Variants in PER3 observed in about 807,000 individuals in gnomAD.
PER3 encodes period circadian regulator 3.
Under a neutral mutation model 127.2 loss-of-function variants are expected in PER3, and 107 were observed. The ratio of observed to expected loss-of-function variants is 0.84; its 90% confidence interval spans 0.72 to 0.99. The LOEUF is 0.99. Among genes scored for constraint, PER3 ranks in the 50% least tolerant of loss-of-function variants. The probability of loss-of-function intolerance (pLI) is 0.00; values close to 1 mark genes in which losing one functional copy is unlikely to be tolerated. For synonymous variants in PER3, 618 were observed against 585.8 expected (o/e 1.05, Z -0.79); for missense variants, 1,560 against 1,525.8 (o/e 1.02, Z -0.37).
At chr1:7,806,795 T>TAA (rs71567316) in intron 10 of PER3, among the ~76,000 whole-genome samples, 22 of 91,904 alleles carry the variant, frequency 2.4e-4, no homozygotes, top group African/African-American at 8.5e-4. Context: ...CCCTGTCTCT[T>TAA]AAAAAAAAAA....
intron 7 of PER3, among the ~76,000 whole-genome samples, chr1:7,800,199 A>AAT (rs996038847): frequency 8.8e-5 from 13 of 147,464 alleles, no homozygotes; most frequent in Admixed American, 8.3e-4. Flanking sequence ...ACCATTCCCT[A>AAT]ATATATCAAT....
At chr1:7,822,452 C>CATGTT (rs2097281626) in intron 16 of PER3, among the ~76,000 whole-genome samples, 1 of 151,874 alleles carries the variant, frequency 6.6e-6, no homozygotes, top group African/African-American at 2.4e-5. Flanking sequence ...ATGATATCAC[C>CATGTT]ATGTTGGCCA....
At chr1:7,841,389 T>G (rs2097387472) in intron 21 of PER3, among the ~76,000 whole-genome samples, 2 of 152,126 alleles carry the variant, frequency 1.3e-5, no homozygotes, top group African/African-American at 4.8e-5. Flanking sequence ...GATTCTTGTT[T>G]TATGATTGTT....
chr1:7,827,211 C>T lies in PER3; in HGVS notation c.2282C>T (p.Ser761Leu), dbSNP rs139934930. Residue 761 changes from serine to leucine, a missense_variant, in exon 18 of 22, where the codon TCG becomes TTG. Transcript: ENST00000377532. ...CCGGAGCCGCCAGACAGCAGCAGCT[C>T]GAACACCGGCTCTGGTCCCCGCAGG... is the stretch of plus-strand genomic sequence containing the variant. ...KLPEPPDSSS[S>L]NTGSGPRRGA... 27 of 1,613,770 alleles carry T rather than the reference C, an allele frequency of 1.7e-5. No individual in the cohort carries two copies. In the African/African-American group the frequency reaches 2.4e-4, roughly 14 times the overall value.
At chr1:7,821,863 C>G (rs1480204341) in intron 16 of PER3, among the ~76,000 whole-genome samples, 2 of 152,232 alleles carry the variant, frequency 1.3e-5, no homozygotes, top group East Asian at 3.8e-4. Flanking sequence ...AGCTCATATT[C>G]ATTAGCTCAG....
chr1:7,836,245 T>A (rs1191231933), intron 20 of PER3, among the ~76,000 whole-genome samples: 1 of 152,150 alleles, frequency 6.6e-6, no homozygotes, highest in East Asian at 1.9e-4. Flanking sequence ...CGTGGTGCCA[T>A]CTCGGCTCAC....
At chr1:7,828,613 T>TC (rs1232911630) in intron 18 of PER3, among the ~76,000 whole-genome samples, 1 of 152,160 alleles carries the variant, frequency 6.6e-6, no homozygotes, top group Non-Finnish European at 1.5e-5. Flanking sequence ...TTGCTGAAAA[T>TC]CTAAGGGAAG....
chr1:7,825,657 C>T (rs2097298088), intron 16 of PER3, among the ~76,000 whole-genome samples: 1 of 152,136 alleles, frequency 6.6e-6, no homozygotes, highest in African/African-American at 2.4e-5. Context: ...TTTGGGAGTC[C>T]AAGGCAGATG....
Position 7,788,088 on chromosome 1 carries a change from T to C in PER3, c.434T>C (p.Val145Ala), listed in dbSNP as rs774356456. Residue 145 changes from valine (V) to alanine (A), a missense_variant, in exon 5 of 22, where the codon GTG (valine) becomes GCG (alanine). Around this residue, in one of 3 missense-constraint regions of PER3, gnomAD observed 1,332 missense variants for 1,223.6 expected, o/e 1.09. Transcript: ENST00000377532. The part of the protein sequence containing the change: ...AVFSFLSGRL[V>A]HISEQAALIL... Reference sequence around the variant, plus strand: ...TTTTCATTTCTGTCTGGAAGGTTAGTGCACATTTCTGAACAGGCTGCTTTG... The same window carrying C: ...TTTTCATTTCTGTCTGGAAGGTTAGCGCACATTTCTGAACAGGCTGCTTTG... The C allele has an allele frequency of 1.2e-6, 2 of 1,614,018 alleles. No individual in the cohort carries two copies. Among genetic ancestry groups the C allele is most frequent in the South Asian group, 2.2e-5 (2 of 91,086 alleles).
intron 13 of PER3, among the ~76,000 whole-genome samples, chr1:7,815,009 G>T (rs1423495957): frequency 2.6e-5 from 4 of 152,130 alleles, no homozygotes; most frequent in Admixed American, 2.6e-4. Flanking sequence ...AAACCAAATG[G>T]ACTGAAGCCG....
chr1:7,787,460 G>A (rs755610866), intron 4 of PER3: 1 of 472,886 alleles, frequency 2.1e-6, no homozygotes, highest in Admixed American at 2.3e-5. Flanking sequence ...TTTATGGACT[G>A]GTGTGTACAT....
At chr1:7,823,773 C>T (rs1226066749) in intron 16 of PER3, among the ~76,000 whole-genome samples, 3 of 152,184 alleles carry the variant, frequency 2.0e-5, no homozygotes, top group African/African-American at 4.8e-5. Context: ...ACAGATGATC[C>T]ATACAACACT....
rs774256972 is a variant in PER3 at position 7,842,794 on chromosome 1, G to A, written c.*39G>A. On this transcript the variant is annotated 3_prime_UTR_variant, in exon 22 of 22. Transcript: ENST00000377532. ...TGAACCTTCATACCCTTTCCAAGAC[G>A]TGTTACACAGACAGACCTTTTTAAG... 33 of 1,580,874 alleles carry A rather than the reference G, an allele frequency of 2.1e-5. No individual in the cohort carries two copies. The highest frequency in any genetic ancestry group is 6.8e-5 in the East Asian group (3 of 44,386).
At chr1:7,800,171 A>G (rs2097164189) in intron 7 of PER3, among the ~76,000 whole-genome samples, 1 of 151,536 alleles carries the variant, frequency 6.6e-6, no homozygotes, top group Non-Finnish European at 1.5e-5. Context: ...AGCAAATGAG[A>G]TATTAGCATT....
Position 7,825,575 on chromosome 1 carries a change from A to G in PER3, c.1958-905A>G, listed in dbSNP as rs1388751310. Among the ~76,000 whole-genome samples, 4 of 152,152 alleles carry G rather than the reference A, an allele frequency of 2.6e-5. No homozygotes were observed. In the East Asian group the frequency reaches 5.8e-4, roughly 22 times the overall value. ...ATGGGGTCAGAGAGGAAGATAATCT[A>G]TATTCATCCTCGTTCATATGTAATA... On this transcript the variant is annotated intron_variant, in intron 16 of 21. Coordinates refer to ENST00000377532, the MANE Select transcript of PER3 (RefSeq NM_001377275.1).
At chr1:7,806,863 C>T (rs1015099844) in intron 10 of PER3, among the ~76,000 whole-genome samples, 2 of 143,306 alleles carry the variant, frequency 1.4e-5, no homozygotes, top group African/African-American at 2.6e-5. Flanking sequence ...CATACATACA[C>T]AATTTAGTTT....
intron 5 of PER3, among the ~76,000 whole-genome samples, chr1:7,792,618 C>T (rs1303369144): frequency 6.6e-6 from 1 of 152,150 alleles, no homozygotes; most frequent in Non-Finnish European, 1.5e-5. Flanking sequence ...ATAGGCTATG[C>T]CTGCGTTACC....
rs1446427445 is a variant in PER3 at position 7,836,981 on chromosome 1, CTGTT to C, written c.3399-8_3399-5del. 1.2e-6 allele frequency: 2 copies of C among 1,603,268 alleles called. No individual in the cohort carries two copies. The highest frequency in any genetic ancestry group is 1.7e-6 in the Non-Finnish European group (2 of 1,173,094). The stretch of plus-strand genomic sequence containing the variant: ...TGTCTTATTCAGGACTATTAAGATT[CTGTT>C]TGTTTGTTTTCAGGGTTAAAGAAGT... On this transcript the variant is annotated splice_polypyrimidine_tract_variant and intron_variant, in intron 20 of 21. Transcript: ENST00000377532.
At position 7,788,230 on chromosome 1, in the gene PER3, C is replaced by A. The variant is rs758212151; in HGVS notation, c.576C>A (p.Asn192Lys). ...HTARAQLPFWNNWTQRAAARY... is the reference protein window; with the variant it reads ...HTARAQLPFWKNWTQRAAARY... ...CCAGAGCTCAGCTTCCTTTCTGGAA[C>A]AACTGGACCCAAAGAGGTAACAGGA... Residue 192 changes from asparagine to lysine, a missense_variant, in exon 5 of 22, where the codon AAC becomes AAA. Coordinates refer to ENST00000377532, the MANE Select transcript of PER3 (RefSeq NM_001377275.1). 1 of 1,612,984 alleles carries A rather than the reference C, an allele frequency of 6.2e-7. No individual in the cohort carries two copies. Among genetic ancestry groups the A allele is most frequent in the Non-Finnish European group, 8.5e-7 (1 of 1,178,924 alleles).
Sources: allele counts gnomAD v4.1 joint callset (sites outside exome capture counted in the v4.1 genomes callset), GRCh38; gene constraint gnomAD v4.1.1; regional missense constraint gnomAD v4.1.1; transcripts MANE v1.5; gene names NCBI Gene and HGNC (gene_info 2026-07-23, HGNC 2026-07-21).